The following ADAMTS17 variants were observed in gnomAD, a reference collection of about 807,000 sequenced individuals.
ADAMTS17 encodes A disintegrin and metalloproteinase with thrombospondin motifs 17.
Under a neutral mutation model 141.5 loss-of-function variants are expected in ADAMTS17, and 113 were observed. The observed-to-expected ratio is 0.80, with a 90% CI of 0.69 to 0.93. The LOEUF (loss-of-function observed/expected upper bound fraction) is 0.93. ADAMTS17 is among the 40% of genes least tolerant of loss of function. ADAMTS17 has a pLI of 0.00. For missense variants in ADAMTS17, 1,659 were observed against 1,517.9 expected (o/e 1.09, Z -1.54); for synonymous variants, 768 against 630.6 (o/e 1.22, Z -3.27).
At chr15:100,068,798 G>A (rs972470553) in intron 15 of ADAMTS17, among the ~76,000 whole-genome samples, 11 of 152,108 alleles carry the variant, frequency 7.2e-5, no homozygotes, top group South Asian at 2.1e-4. Flanking sequence ...CACAAACATG[G>A]GGAAAAACAG....
chr15:100,296,583 G>A (rs1488114820), intron 3 of ADAMTS17, among the ~76,000 whole-genome samples: 1 of 133,142 alleles, frequency 7.5e-6, no homozygotes, highest in African/African-American at 3.7e-5. Context: ...GAGGGGGGGT[G>A]TGTGTGTGTG....
intron 15 of ADAMTS17, among the ~76,000 whole-genome samples, chr15:100,072,509 C>A (rs2034050358): frequency 6.6e-6 from 1 of 151,844 alleles, no homozygotes; most frequent in Non-Finnish European, 1.5e-5. Flanking sequence ...TCAAACTATA[C>A]TACAAGGCTA....
At chr15:100,108,942 G>C (rs374132368) in intron 14 of ADAMTS17, 47 bp downstream of exon 14, 1 of 1,611,310 alleles carries the variant, frequency 6.2e-7, no homozygotes, top group African/African-American at 1.3e-5. Context: ...GGGAGAGTGA[G>C]TCTCCTCTCC....
chr15:100,275,590 C>T (rs58744881), intron 4 of ADAMTS17, among the ~76,000 whole-genome samples: 1 of 152,182 alleles, frequency 6.6e-6, no homozygotes, highest in Non-Finnish European at 1.5e-5. Flanking sequence ...CAGTCCCGGA[C>T]TGGAGTCCTT....
intron 8 of ADAMTS17, among the ~76,000 whole-genome samples, chr15:100,174,119 AG>A (rs1477793163): frequency 2.6e-5 from 4 of 152,342 alleles, no homozygotes; most frequent in African/African-American, 9.6e-5. Context: ...CACAAAGTCC[AG>A]GGAGAAGCCG....
chr15:100,309,241 G>A (rs1360510481), intron 3 of ADAMTS17, among the ~76,000 whole-genome samples: 5 of 152,206 alleles, frequency 3.3e-5, no homozygotes, highest in African/African-American at 1.2e-4. Context: ...CTGAACCCAG[G>A]TACTCGGAGG....
At chr15:100,077,282 A>AT (rs2034443290) in intron 15 of ADAMTS17, among the ~76,000 whole-genome samples, 1 of 72,556 alleles carries the variant, frequency 1.4e-5, no homozygotes, top group Non-Finnish European at 2.6e-5. Context: ...TATCTCTACC[A>AT]CAAAAAAAAA....
intron 15 of ADAMTS17, among the ~76,000 whole-genome samples, chr15:100,065,764 T>G (rs2033473387): frequency 6.6e-6 from 1 of 152,186 alleles, no homozygotes; most frequent in Admixed American, 6.5e-5. Context: ...GCAGGTTTGT[T>G]ACATATGTAT....
chr15:100,214,687 G>A (rs1555484983), intron 7 of ADAMTS17, among the ~76,000 whole-genome samples: 1 of 152,156 alleles, frequency 6.6e-6, no homozygotes, highest in Non-Finnish European at 1.5e-5. Flanking sequence ...TCCGGGCACT[G>A]GAAATCACAG....
intron 3 of ADAMTS17, among the ~76,000 whole-genome samples, chr15:100,316,409 C>T (rs924881248): frequency 2.0e-5 from 3 of 152,232 alleles, no homozygotes; most frequent in Admixed American, 6.5e-5. Context: ...TCTCGCCATC[C>T]GTGGGTCACG....
intron 7 of ADAMTS17, among the ~76,000 whole-genome samples, chr15:100,250,401 T>C (rs906625990): frequency 6.6e-6 from 1 of 152,232 alleles, no homozygotes; most frequent in South Asian, 2.1e-4. Flanking sequence ...TCAAAATCTC[T>C]TAGCATTGGC....
At chr15:100,068,583 C>T in intron 15 of ADAMTS17, among the ~76,000 whole-genome samples, 1 of 152,210 alleles carries the variant, frequency 6.6e-6, no homozygotes, top group African/African-American at 2.4e-5. Context: ...GCAGCAACAT[C>T]TGCTGTTCAC....
chr15:100,326,118 G>A (rs776873946), intron 3 of ADAMTS17, among the ~76,000 whole-genome samples: 9 of 152,280 alleles, frequency 5.9e-5, no homozygotes, highest in South Asian at 2.1e-4. Context: ...ACAGAATTGC[G>A]CCTCTACCAT....
intron 18 of ADAMTS17, among the ~76,000 whole-genome samples, chr15:100,038,826 C>A (rs187962612): frequency 6.6e-6 from 1 of 152,306 alleles, no homozygotes; most frequent in African/African-American, 2.4e-5. Context: ...TGGGTAAATG[C>A]CTAGGCTGGA....
intron 10 of ADAMTS17, among the ~76,000 whole-genome samples, chr15:100,139,502 T>G (rs1350673933): frequency 6.6e-6 from 1 of 152,184 alleles, no homozygotes; most frequent in African/African-American, 2.4e-5. Flanking sequence ...GACAGTGCCC[T>G]GCAACAAAGA....
intron 18 of ADAMTS17, among the ~76,000 whole-genome samples, chr15:100,006,693 A>C (rs1487565252): frequency 1.3e-5 from 2 of 152,362 alleles, no homozygotes; most frequent in East Asian, 1.9e-4. Flanking sequence ...GCGCAAAAGA[A>C]GGCGCTGGTA....
intron 3 of ADAMTS17, among the ~76,000 whole-genome samples, chr15:100,326,902 A>G (rs1395203444): frequency 6.6e-6 from 1 of 152,218 alleles, no homozygotes; most frequent in Non-Finnish European, 1.5e-5. Context: ...ACCGCAGAGA[A>G]GTGAAGCTTG....
At chr15:100,205,585 A>G (rs1367849585) in intron 7 of ADAMTS17, among the ~76,000 whole-genome samples, 2 of 152,066 alleles carry the variant, frequency 1.3e-5, no homozygotes, top group Non-Finnish European at 1.5e-5. Flanking sequence ...AACCCCAGAG[A>G]GGCTCAGGGG....
intron 15 of ADAMTS17, among the ~76,000 whole-genome samples, chr15:100,095,150 C>T (rs1357984270): frequency 6.6e-6 from 1 of 152,236 alleles, no homozygotes; most frequent in Non-Finnish European, 1.5e-5. Context: ...AACCAACCTG[C>T]TCCTGCCTCT....
Sources: allele counts gnomAD v4.1 joint callset (sites outside exome capture counted in the v4.1 genomes callset), GRCh38; gene constraint gnomAD v4.1.1; transcripts MANE v1.5; gene names NCBI Gene and HGNC (gene_info 2026-07-23, HGNC 2026-07-21).